Variants in TULP4 observed in about 807,000 individuals in gnomAD.
TULP4 encodes the protein TUB like protein 4.
A neutral mutation model predicts 129.0 loss-of-function variants in TULP4; 16 were observed. That is an observed-to-expected ratio of 0.12 (90% CI 0.08 to 0.19). The LOEUF (loss-of-function observed/expected upper bound fraction) is 0.19. Among genes scored for constraint, TULP4 ranks in the 10% least tolerant of loss-of-function variants. The probability of loss-of-function intolerance (pLI) is 1.00; values close to 1 mark genes in which losing one functional copy is unlikely to be tolerated. For missense variants in TULP4, 1,842 were observed against 2,059.1 expected, an observed-to-expected ratio of 0.89 and a Z score of 2.04; for synonymous variants, 998 against 854.0, an observed-to-expected ratio of 1.17 and a Z score of -2.94.
chr6:158,256,844 A>G (rs1235418522), intron 1 of TULP4, among the ~76,000 whole-genome samples: 1 of 152,118 alleles, frequency 6.6e-6, no homozygotes, highest in Non-Finnish European at 1.5e-5. Flanking sequence ...ATCAGTGGGT[A>G]TCCAGGCAGG....
At chr6:158,344,367 T>C (rs1015389191) in intron 1 of TULP4, among the ~76,000 whole-genome samples, 1 of 152,232 alleles carries the variant, frequency 6.6e-6, no homozygotes, top group Non-Finnish European at 1.5e-5. Flanking sequence ...TTTGTTTTAC[T>C]GAGCTTCCCT....
chr6:158,445,703 A>G lies in TULP4; in HGVS notation c.544-3293A>G, dbSNP rs1380993402. The stretch of plus-strand genomic sequence containing the variant: ...GTACTAGACATTGGAGATAAAGCAC[A>G]AGCCTCAGTCCTTGCTTGATGGGGT... On this transcript the variant is annotated intron_variant, in intron 3 of 13. Coordinates refer to ENST00000367097, the MANE Select transcript of TULP4 (RefSeq NM_020245.5). 3.9e-5 allele frequency among the ~76,000 whole-genome samples: 6 copies of G among 152,328 alleles called. No homozygotes were observed. In the East Asian group the frequency reaches 1.2e-3, roughly 29 times the overall value.
Position 158,502,144 on chromosome 6 carries a change from G to C in TULP4, c.2481G>C (p.Gln827His), listed in dbSNP as rs775828886. ...AVVFSAPQEV[Q>H]VTKINPPPPY... Reference sequence around the variant, plus strand: ...TCTTTAGTGCCCCCCAGGAGGTCCAGGTGACGAAGATAAACCCTCCACCCC... The same window carrying C: ...TCTTTAGTGCCCCCCAGGAGGTCCACGTGACGAAGATAAACCCTCCACCCC... Residue 827 changes from glutamine to histidine, a missense_variant, in exon 13 of 14, where the codon CAG (glutamine) becomes CAC (histidine). Physicochemically the swap from Gln to His is conservative, Grantham distance 24. Transcript: ENST00000367097. 1 of 1,602,882 alleles carries C rather than the reference G, an allele frequency of 6.2e-7. No homozygotes were observed. Among genetic ancestry groups the C allele is most frequent in the Admixed American group, 1.7e-5 (1 of 58,938 alleles).
chr6:158,287,912 C>T (rs1778858754), intron 1 of TULP4, among the ~76,000 whole-genome samples: 2 of 152,126 alleles, frequency 1.3e-5, no homozygotes, highest in Non-Finnish European at 2.9e-5. Flanking sequence ...TGAATGTGAC[C>T]AAGTGACTGT....
chr6:158,306,841 G>A lies in TULP4; in HGVS notation n.117-5210G>A, dbSNP rs113772231. ...TCGAGACCAGCCTGGCTAACGTGGC[G>A]AAACCCTGTCTCTACACACAATACA... On this transcript the variant is annotated intron_variant and non_coding_transcript_variant, in intron 1 of 1. Transcript: ENST00000432358. Among the ~76,000 whole-genome samples the A allele has an allele frequency of 6.2e-4, 95 of 152,180 alleles. 2 individuals are homozygous for A. Among genetic ancestry groups the A allele is most frequent in the African/African-American group, 2.1e-3 (88 of 41,510 alleles).
chr6:158,453,470 C>T (rs1270649174), intron 5 of TULP4, among the ~76,000 whole-genome samples: 9 of 88,796 alleles, frequency 1.0e-4, no homozygotes, highest in East Asian at 3.7e-4. Flanking sequence ...GGTGACAGAG[C>T]GAGACTCTGT....
At position 158,313,862 on chromosome 6, in the gene TULP4, A is replaced by G. The variant is rs1779422219; in HGVS notation, c.-155A>G. 1.3e-6 allele frequency: 1 copy of G among 780,628 alleles called. No homozygotes were observed. The highest frequency in any genetic ancestry group is 3.8e-4 in the Middle Eastern group (1 of 2,632). 48.4% of individuals were successfully genotyped at this position (780,628 alleles called of 1,614,324 possible). ...TGCATTCGGTGGATCTTTATAAAAT[A>G]CTGACCTTCTAATTAGATTCAGGTC... On this transcript the variant is annotated 5_prime_UTR_variant, in exon 1 of 14. The change creates a new upstream start codon in the 5' untranslated region. Transcript: ENST00000367097.
At chr6:158,256,776 T>C (rs1379249311) in intron 1 of TULP4, among the ~76,000 whole-genome samples, 9 of 152,176 alleles carry the variant, frequency 5.9e-5, no homozygotes, top group Admixed American at 5.9e-4. Context: ...TCCCTCCCTA[T>C]GTTTATTAAT....
In TULP4 at chr6:158,424,204, A is replaced by G. The variant is rs570177002; in HGVS notation, c.382-5532A>G. ...CTGAAATTCATGGAAGCACACGTATATGATGTAAAACGGTATATTTGTATA... is the reference window on the plus strand; with the variant it reads ...CTGAAATTCATGGAAGCACACGTATGTGATGTAAAACGGTATATTTGTATA... On this transcript the variant is annotated intron_variant, in intron 2 of 13. Coordinates refer to ENST00000367097, the MANE Select transcript of TULP4 (RefSeq NM_020245.5). Among the ~76,000 whole-genome samples the G allele has an allele frequency of 7.9e-5, 12 of 152,318 alleles. No individual in the cohort carries two copies. In the South Asian group the frequency reaches 2.5e-3, roughly 32 times the overall value.
upstream of TULP4, among the ~76,000 whole-genome samples, chr6:158,279,823 G>T (rs957270722): frequency 8.5e-5 from 13 of 152,188 alleles, no homozygotes; most frequent in Non-Finnish European, 1.2e-4. Flanking sequence ...ACAGCAGACA[G>T]CTGTGAACAC....
At chr6:158,347,649 T>C (rs2114776853) in intron 1 of TULP4, among the ~76,000 whole-genome samples, 1 of 152,368 alleles carries the variant, frequency 6.6e-6, no homozygotes, top group East Asian at 1.9e-4. Context: ...TCCTGCCTGC[T>C]GACCTTCCTG....
At chr6:158,456,048 T>C (rs1411789887) in intron 5 of TULP4, among the ~76,000 whole-genome samples, 1 of 152,118 alleles carries the variant, frequency 6.6e-6, no homozygotes, top group Non-Finnish European at 1.5e-5. Context: ...GGGAGGTGGG[T>C]AGGCAATCAT....
At position 158,236,795 on chromosome 6, in the gene TULP4, C is replaced by CTTTTCTTTTTTTT. The variant is rs1554272522; in HGVS notation, n.68+4496_68+4497insCTTTTTTTTTTTT. ...AGATGGGTAAATGCCCAATTCTTTT[C>CTTTTCTTTTTTTT]TTTTTTTTTTTTTTTTTTTTTTTTT... On this transcript the variant is annotated intron_variant and non_coding_transcript_variant, in intron 1 of 1. Transcript: ENST00000620026. Among the ~76,000 whole-genome samples the CTTTTCTTTTTTTT allele has an allele frequency of 1.1e-3, 72 of 63,310 alleles. 8 individuals are homozygous for CTTTTCTTTTTTTT. The highest frequency in any genetic ancestry group is 1.6e-3 in the Non-Finnish European group (50 of 32,238). The allele number at this position is 63,310 out of a possible 152,430, so 41.5% of individuals were successfully genotyped here.
intron 1 of TULP4, among the ~76,000 whole-genome samples, chr6:158,249,348 CA>C: frequency 6.6e-6 from 1 of 152,094 alleles, no homozygotes; most frequent in Non-Finnish European, 1.5e-5. Flanking sequence ...GGGTAATGCA[CA>C]ATAACTCTTA....
intron 6 of TULP4, among the ~76,000 whole-genome samples, chr6:158,465,382 C>T (rs638162): frequency 0.42 from 63,560 of 152,036 alleles, 14,591 homozygotes; most frequent in African/African-American, 0.62. Flanking sequence ...GGATATACCA[C>T]ATTTTGTTTA....
At position 158,441,027 on chromosome 6, in the gene TULP4, C is replaced by T. The variant is rs563476603; in HGVS notation, c.544-7969C>T. The stretch of plus-strand genomic sequence containing the variant: ...AATAAAAATCTTTCTTGAGATTTGC[C>T]TTGAATAAGCAAGGCGCAGTGGCTC... On this transcript the variant is annotated intron_variant, in intron 3 of 13. Transcript: ENST00000367097. Among the ~76,000 whole-genome samples the T allele has an allele frequency of 5.3e-5, 8 of 152,266 alleles. No homozygotes were observed. The South Asian group carries it at 1.7e-3, about 32-fold the overall frequency.
chr6:158,403,532 G>T (rs1376555865), intron 1 of TULP4, among the ~76,000 whole-genome samples: 1 of 152,072 alleles, frequency 6.6e-6, no homozygotes, highest in Non-Finnish European at 1.5e-5. Flanking sequence ...TAGAGACGGG[G>T]TTTCTCCATG....
At chr6:158,297,886 T>C (rs1157294428) in intron 1 of TULP4, among the ~76,000 whole-genome samples, 1 of 152,074 alleles carries the variant, frequency 6.6e-6, no homozygotes, top group East Asian at 1.9e-4. Flanking sequence ...TTTTTCCCAC[T>C]CTAGTAAGCC....
At chr6:158,271,157 A>C (rs1323607463) in intron 1 of TULP4, among the ~76,000 whole-genome samples, 1 of 152,018 alleles carries the variant, frequency 6.6e-6, no homozygotes, top group African/African-American at 2.4e-5. Flanking sequence ...CTCAAAAAAA[A>C]AAAAAAAAAA....
Sources: allele counts gnomAD v4.1 joint callset (sites outside exome capture counted in the v4.1 genomes callset), GRCh38; gene constraint gnomAD v4.1.1; transcripts MANE v1.5; gene names NCBI Gene and HGNC (gene_info 2026-07-23, HGNC 2026-07-21).